The following RBFOX1 variants were observed in gnomAD, a reference collection of about 807,000 sequenced individuals.
The protein encoded by RBFOX1 is RNA binding fox-1 homolog 1.
In RBFOX1, 8 loss-of-function variants were observed where a neutral mutation model predicts 57.7. That is an observed-to-expected ratio of 0.14 (90% CI 0.08 to 0.25). The LOEUF is 0.25. Ranked by LOEUF, RBFOX1 falls within the 10% of genes least tolerant of loss-of-function variation. The pLI is 1.00. For synonymous variants in RBFOX1, 326 were observed against 222.4 expected, an observed-to-expected ratio of 1.47 and a Z score of -4.15; for missense variants, 611 against 548.5, an observed-to-expected ratio of 1.11 and a Z score of -1.14.
At chr16:5,397,067 C>T (rs1596841587) in intron 1 of RBFOX1, among the ~76,000 whole-genome samples, 1 of 152,190 alleles carries the variant, frequency 6.6e-6, no homozygotes, top group Non-Finnish European at 1.5e-5. Context: ...TGGGGAAGAG[C>T]ATGTGGAAAT....
At chr16:5,401,939 C>T (rs184031062) in intron 1 of RBFOX1, among the ~76,000 whole-genome samples, 19 of 151,950 alleles carry the variant, frequency 1.3e-4, no homozygotes, top group South Asian at 4.2e-4. Context: ...AATTCTCCAC[C>T]CAAAATAGGT....
At chr16:5,755,606 A>G (rs1368872282) in intron 3 of RBFOX1, among the ~76,000 whole-genome samples, 3 of 151,846 alleles carry the variant, frequency 2.0e-5, no homozygotes, top group African/African-American at 7.3e-5. Flanking sequence ...TTGTTTGTTT[A>G]TTTTTTCTTG....
rs1352095876 is a variant in RBFOX1, at chr16:5,752,471, C to T, written c.319-114832C>T. Among the ~76,000 whole-genome samples the T allele has an allele frequency of 2.0e-5, 3 of 152,336 alleles. No individual in the cohort carries two copies. In the South Asian group the frequency reaches 6.2e-4, roughly 32 times the overall value. Reference sequence around the variant, plus strand: ...AAACATTCACTATTGAAACAATCAACTATTAAAAGGGCTCCCCCTTGTTTT... The same window carrying T: ...AAACATTCACTATTGAAACAATCAATTATTAAAAGGGCTCCCCCTTGTTTT... On this transcript the variant is annotated intron_variant, in intron 3 of 19. Coordinates refer to the RBFOX1 transcript ENST00000641259.
At chr16:6,768,815 G>T (rs2077810869) in intron 3 of RBFOX1, among the ~76,000 whole-genome samples, 1 of 150,314 alleles carries the variant, frequency 6.7e-6, no homozygotes, top group Admixed American at 6.7e-5. Context: ...TGCAACCTCT[G>T]TCTGCAGGTT....
At chr16:7,480,770 G>A (rs2063740436) in intron 4 of RBFOX1, among the ~76,000 whole-genome samples, 3 of 152,164 alleles carry the variant, frequency 2.0e-5, no homozygotes, top group Non-Finnish European at 2.9e-5. Context: ...AGCCATTTGT[G>A]AGAAGTCGTA....
chr16:6,812,029 C>T (rs1025971519), intron 3 of RBFOX1, among the ~76,000 whole-genome samples: 1 of 152,152 alleles, frequency 6.6e-6, no homozygotes. Context: ...ATAAATAGTG[C>T]AGTACAAGAG....
intron 10 of RBFOX1, among the ~76,000 whole-genome samples, chr16:7,623,821 T>A (rs1293474614): frequency 1.3e-5 from 2 of 152,200 alleles, no homozygotes; most frequent in African/African-American, 4.8e-5. Flanking sequence ...TTCTCTGTCT[T>A]CACCTGGGTT....
intron 3 of RBFOX1, among the ~76,000 whole-genome samples, chr16:6,668,974 C>T (rs979301710): frequency 3.9e-5 from 6 of 152,050 alleles, no homozygotes; most frequent in Non-Finnish European, 5.9e-5. Flanking sequence ...GTGGAGTGAA[C>T]GTTAATTAAT....
intron 3 of RBFOX1, among the ~76,000 whole-genome samples, chr16:6,933,260 G>A (rs2076847251): frequency 6.6e-6 from 1 of 152,204 alleles, no homozygotes. Context: ...ATAGCTGCAA[G>A]TGAAATTGAT....
intron 1 of RBFOX1, among the ~76,000 whole-genome samples, chr16:5,410,485 C>G (rs970401797): frequency 2.0e-5 from 3 of 152,138 alleles, no homozygotes; most frequent in Admixed American, 2.0e-4. Context: ...TTCAAGATTT[C>G]GTCTTGCTTC....
At chr16:6,948,314 G>A (rs183445973) in intron 3 of RBFOX1, among the ~76,000 whole-genome samples, 19 of 142,140 alleles carry the variant, frequency 1.3e-4, no homozygotes, top group African/African-American at 4.6e-4. Flanking sequence ...ACAAAATAAA[G>A]CCAGGTAATG....
chr16:7,128,874 G>C (rs1284132581), intron 4 of RBFOX1, among the ~76,000 whole-genome samples: 1 of 146,478 alleles, frequency 6.8e-6, no homozygotes, highest in African/African-American at 2.5e-5. Context: ...AGGCTGGAGT[G>C]CAGTGGTGCA....
chr16:7,552,909 C>T (rs1176613292), intron 5 of RBFOX1, among the ~76,000 whole-genome samples: 2 of 152,024 alleles, frequency 1.3e-5, no homozygotes, highest in Non-Finnish European at 2.9e-5. Context: ...TCTCAAACTG[C>T]CGACCTCAGG....
At chr16:7,291,853 T>G (rs1391292369) in intron 4 of RBFOX1, among the ~76,000 whole-genome samples, 1 of 148,632 alleles carries the variant, frequency 6.7e-6, no homozygotes, top group African/African-American at 2.5e-5. Flanking sequence ...GTAAAGAGTA[T>G]CATAGCCATT....
chr16:6,788,277 A>G (rs1192045727), intron 3 of RBFOX1, among the ~76,000 whole-genome samples: 4 of 151,960 alleles, frequency 2.6e-5, no homozygotes, highest in Non-Finnish European at 5.9e-5. Context: ...ACCTGTTCTG[A>G]TTTGAATAGG....
intron 3 of RBFOX1, among the ~76,000 whole-genome samples, chr16:6,971,079 G>A (rs536659686): frequency 3.9e-5 from 6 of 152,284 alleles, no homozygotes; most frequent in African/African-American, 9.6e-5. Context: ...GGACACATGC[G>A]TTTCCTGATT....
At chr16:7,165,668 A>T (rs866303063) in intron 4 of RBFOX1, among the ~76,000 whole-genome samples, 22 of 151,910 alleles carry the variant, frequency 1.4e-4, no homozygotes, top group Admixed American at 1.4e-3. Flanking sequence ...ATCTCAGGTG[A>T]TCTGCCTGCC....
At chr16:5,687,959 C>T (rs67110895) in intron 3 of RBFOX1, among the ~76,000 whole-genome samples, 31,374 of 152,130 alleles carry the variant, frequency 0.21, 4,349 homozygotes, top group East Asian at 0.65. Flanking sequence ...CTCCTTAACT[C>T]ACAGTTGTGT....
intron 4 of RBFOX1, among the ~76,000 whole-genome samples, chr16:5,983,987 CCACAT>C (rs2152312782): frequency 7.1e-6 from 1 of 140,986 alleles, no homozygotes; most frequent in Non-Finnish European, 1.5e-5. Flanking sequence ...CTTCTTCCTC[CCACAT>C]TCTTCTTCTT....
Sources: gnomAD v4.1 joint callset for allele counts (sites outside exome capture counted in the v4.1 genomes callset) on GRCh38, gnomAD v4.1.1 for gene constraint, MANE v1.5 for transcripts, NCBI Gene and HGNC (gene_info 2026-07-23, HGNC 2026-07-21) for gene names.